Variants in OTOF observed in about 807,000 individuals in gnomAD.
The protein encoded by OTOF is otoferlin.
A neutral mutation model predicts 236.8 loss-of-function variants in OTOF; 218 were observed. The observed-to-expected ratio is 0.92, with a 90% CI of 0.82 to 1.03. The LOEUF (loss-of-function observed/expected upper bound fraction) is 1.03. OTOF is among the 50% of genes least tolerant of loss of function. The pLI is 0.00. For missense variants in OTOF, 2,590 were observed against 2,694.4 expected (o/e 0.96, Z 0.86); for synonymous variants, 1,041 against 1,072.5 (o/e 0.97, Z 0.57).
intron 13 of OTOF, among the ~76,000 whole-genome samples, chr2:26,483,089 ATG>A (rs767807268): frequency 8.0e-4 from 90 of 113,086 alleles, no homozygotes; most frequent in South Asian, 2.7e-3. Context: ...GAATGGGTGC[ATG>A]TGTGTGTGTA....
In OTOF at chr2:26,495,049, G is replaced by A. The variant is rs746386736; in HGVS notation, c.790C>T (p.Arg264Trp). 2.5e-5 allele frequency: 40 copies of A among 1,614,006 alleles called. No homozygotes were observed. The South Asian group carries it at 2.6e-4, about 11-fold the overall frequency. The change falls in exon 9 of 47, where the codon CGG becomes TGG. Residue 264 changes from arginine to tryptophan, a missense_variant. By Grantham distance (101) the Arg-to-Trp change is moderately radical (BLOSUM62 -3). Transcript: ENST00000272371. ...TCCATGTTCAAGCCCACCAGCTGCC[G>A]GGCCTCGATCACCGTGATGCTGACC... is the stretch of plus-strand genomic sequence containing the variant. Reference protein sequence around the residue: ...YQVSITVIEARQLVGLNMDPV... With the variant: ...YQVSITVIEAWQLVGLNMDPV...
intron 3 of OTOF, among the ~76,000 whole-genome samples, chr2:26,524,949 G>T (rs920872291): frequency 6.6e-6 from 1 of 152,284 alleles, no homozygotes; most frequent in Admixed American, 6.5e-5. Flanking sequence ...TGCCCTCCCT[G>T]GTGCTTGACT....
rs953404925 is a variant in OTOF, at chr2:26,460,672, C to T, written c.5788G>A (p.Glu1930Lys). The T allele has an allele frequency of 1.2e-6, 2 of 1,613,970 alleles. No homozygotes were observed. The highest frequency in any genetic ancestry group is 2.7e-5 in the African/African-American group (2 of 74,916). The change falls in exon 45 of 47, where the codon GAA (glutamate) becomes AAA (lysine). Residue 1930 changes from glutamate (E) to lysine (K), a missense_variant. Glu to Lys is a moderately conservative substitution (Grantham distance 56). Transcript: ENST00000272371. This position sits in a 1 kb window ranked among gnomAD's most constrained non-coding sequence, Gnocchi z 5.3. Reference protein sequence around the residue: ...EKNPVGLARNEPDPLEKPNRP... With the variant: ...EKNPVGLARNKPDPLEKPNRP... ...TTGGGTTTCTCTAGGGGGTCAGGTTCATTGCGGGCCAGGCCCACTGGGTTC... is the reference window on the plus strand; with the variant it reads ...TTGGGTTTCTCTAGGGGGTCAGGTTTATTGCGGGCCAGGCCCACTGGGTTC...
At chr2:26,466,955 T>G in intron 35 of OTOF, 104 bp from the exon 36 acceptor site, 1 of 1,567,590 alleles carries the variant, frequency 6.4e-7, no homozygotes, top group Non-Finnish European at 8.8e-7. Flanking sequence ...TGGCAGGGCC[T>G]TCACCCTTTA....
intron 8 of OTOF, among the ~76,000 whole-genome samples, chr2:26,500,347 A>G (rs976758304): frequency 2.0e-5 from 3 of 152,242 alleles, no homozygotes; most frequent in Non-Finnish European, 2.9e-5. Flanking sequence ...ATAAACCTTC[A>G]AAAATAAGTT....
intron 5 of OTOF, among the ~76,000 whole-genome samples, chr2:26,505,984 G>A (rs1392508291): frequency 6.6e-6 from 1 of 152,192 alleles, no homozygotes; most frequent in African/African-American, 2.4e-5. Context: ...ACATAACATT[G>A]AACAGATCAA....
chr2:26,555,721 G>T (rs1190258082), intron 1 of OTOF, among the ~76,000 whole-genome samples: 1 of 152,162 alleles, frequency 6.6e-6, no homozygotes, highest in Non-Finnish European at 1.5e-5. Flanking sequence ...GAACCCCTTA[G>T]ACGTGCTCTC....
At chr2:26,526,131 G>GGAA (rs138986414) in intron 3 of OTOF, among the ~76,000 whole-genome samples, 2 of 28,770 alleles carry the variant, frequency 7.0e-5, no homozygotes, top group Non-Finnish European at 9.9e-4. Flanking sequence ...GTGGAAGGAT[G>GGAA]GATGAATGGA....
Position 26,460,864 on chromosome 2 carries a change from C to G in OTOF, c.5700G>C (p.Glu1900Asp), listed in dbSNP as rs143325189. 5 of 1,614,090 alleles carry G rather than the reference C, an allele frequency of 3.1e-6. No homozygotes were observed. The highest frequency in any genetic ancestry group is 4.2e-6 in the Non-Finnish European group (5 of 1,179,992). ...AAGGGGTGCGCACCGTGAGCTCAAA[C>G]TCATCGTTCTCATTGCGGGCCAGGA... The part of the protein sequence containing the change: ...WPLLARNEND[E>D]FELTGKVEAE... Residue 1900 changes from glutamate to aspartate, a missense_variant, in exon 44 of 47, where the codon GAG becomes GAC. Glu to Asp is a conservative substitution (Grantham distance 45). Transcript: ENST00000272371. This position sits in a 1 kb window ranked among gnomAD's most constrained non-coding sequence, Gnocchi z 5.3.
chr2:26,503,787 C>T lies in OTOF; in HGVS notation c.568G>A (p.Glu190Lys). Residue 190 changes from glutamate to lysine, a missense_variant, in exon 6 of 47, where the codon GAG (glutamate) becomes AAG (lysine). Coordinates refer to ENST00000272371, the MANE Select transcript of OTOF (RefSeq NM_194248.3). ...CCTGTCCTACCTGGTCTTTGGGGCTCCTCCTTGTGAGACCGGTTTTTGCCG... is the reference window on the plus strand; with the variant it reads ...CCTGTCCTACCTGGTCTTTGGGGCTTCTCCTTGTGAGACCGGTTTTTGCCG... ...KLGKNRSHKE[E>K]PQRPDEPAVL... is the part of the protein sequence containing the mutation. 6.2e-7 allele frequency: 1 copy of T among 1,614,032 alleles called. No individual in the cohort carries two copies. Among genetic ancestry groups the T allele is most frequent in the Non-Finnish European group, 8.5e-7 (1 of 1,179,902 alleles).
Position 26,473,548 on chromosome 2 carries a change from C to T in OTOF, c.3428G>A (p.Arg1143Gln), listed in dbSNP as rs1330253297. Residue 1143 changes from arginine to glutamine, a missense_variant, in exon 28 of 47, where the codon CGG becomes CAG. By Grantham distance (43) the Arg-to-Gln change is conservative. Coordinates refer to ENST00000272371, the MANE Select transcript of OTOF (RefSeq NM_194248.3). The surrounding 1 kb of genome is among the most constrained non-coding windows in gnomAD (Gnocchi z 7.2). The part of the protein sequence containing the change: ...YRVEVLFWGL[R>Q]DLKRVNLAQV... The stretch of plus-strand genomic sequence containing the variant: ...GGCCAGGTTCACCCGCTTTAGGTCC[C>T]GTAGGCCCCAGAACAGCACCTGGGA... 42 of 1,609,042 alleles carry T rather than the reference C, an allele frequency of 2.6e-5. 1 individual carries two copies. The highest frequency in any genetic ancestry group is 3.1e-5 in the Non-Finnish European group (37 of 1,179,104).
At position 26,473,715 on chromosome 2, in the gene OTOF, G is replaced by A. The variant is rs767153257; in HGVS notation, c.3409-148C>T. 5 of 921,860 alleles carry A rather than the reference G, an allele frequency of 5.4e-6. No individual in the cohort carries two copies. The highest frequency in any genetic ancestry group is 6.5e-6 in the Non-Finnish European group (4 of 614,238). 57.1% of individuals were successfully genotyped at this position (921,860 alleles called of 1,614,324 possible). On this transcript the variant is annotated intron_variant, in intron 27 of 46. Coordinates refer to ENST00000272371, the MANE Select transcript of OTOF (RefSeq NM_194248.3). This position sits in a 1 kb window ranked among gnomAD's most constrained non-coding sequence, Gnocchi z 7.2. Reference sequence around the variant, plus strand: ...TTTCAAAGGGTGGGAGCAGGGCCAGGAGAGCAGAGGAGGGGCAGGCGTTCT... The same window carrying A: ...TTTCAAAGGGTGGGAGCAGGGCCAGAAGAGCAGAGGAGGGGCAGGCGTTCT...
At chr2:26,503,892 G>T in intron 5 of OTOF, 47 bp from the exon 6 acceptor site, 1 of 1,525,944 alleles carries the variant, frequency 6.6e-7, no homozygotes. Flanking sequence ...GGGACGCATG[G>T]AGGAAAACAC....
chr2:26,500,491 T>A (rs1666090202), intron 8 of OTOF, among the ~76,000 whole-genome samples: 1 of 150,904 alleles, frequency 6.6e-6, no homozygotes, highest in Non-Finnish European at 1.5e-5. Flanking sequence ...CTGAGCCCAA[T>A]CCCTTGGAAA....
chr2:26,548,187 G>T (rs1189399750), intron 1 of OTOF, among the ~76,000 whole-genome samples: 1 of 151,950 alleles, frequency 6.6e-6, no homozygotes, highest in African/African-American at 2.4e-5. Flanking sequence ...TCTTGCTAGG[G>T]TTTATCTATT....
intron 3 of OTOF, 129 bp downstream of exon 3, chr2:26,527,703 G>T: frequency 1.3e-6 from 1 of 761,482 alleles, no homozygotes; most frequent in Non-Finnish European, 2.4e-6. Context: ...TTCGGTCTTT[G>T]AAGATCAATC....
At chr2:26,507,611 G>A (rs928252728) in intron 5 of OTOF, among the ~76,000 whole-genome samples, 34 of 152,240 alleles carry the variant, frequency 2.2e-4, no homozygotes, top group Middle Eastern at 3.4e-3. Flanking sequence ...CCAAAAACAG[G>A]ATATGGTGAG....
chr2:26,541,121 G>A (rs1026547935), intron 1 of OTOF, among the ~76,000 whole-genome samples: 1 of 152,168 alleles, frequency 6.6e-6, no homozygotes, highest in African/African-American at 2.4e-5. Flanking sequence ...GCTGTCCTCC[G>A]GGGTCTCTTG....
intron 1 of OTOF, among the ~76,000 whole-genome samples, chr2:26,555,701 TG>T (rs2148140561): frequency 1.3e-5 from 2 of 152,218 alleles, no homozygotes; most frequent in South Asian, 4.2e-4. Flanking sequence ...TGCCTTCTCC[TG>T]GCAGACTGGA....
Sources: allele counts gnomAD v4.1 joint callset (sites outside exome capture counted in the v4.1 genomes callset), GRCh38; gene constraint gnomAD v4.1.1; non-coding constraint Gnocchi (gnomAD v3.1); transcripts MANE v1.5; gene names NCBI Gene and HGNC (gene_info 2026-07-23, HGNC 2026-07-21).